Variants in STK32B observed in about 807,000 individuals in gnomAD.
STK32B encodes the protein serine/threonine kinase 32B, also known as serine/threonine-protein kinase 32B.
In STK32B, 43 loss-of-function variants were observed where a neutral mutation model predicts 52.6. The ratio of observed to expected loss-of-function variants is 0.82; its 90% CI spans 0.64 to 1.05. STK32B has a LOEUF of 1.05. Among genes scored for constraint, STK32B ranks in the 50% least tolerant of loss-of-function variants. STK32B has a pLI of 0.00. For missense variants in STK32B, 621 were observed against 534.6 expected (o/e 1.16, Z -1.59); for synonymous variants, 238 against 204.3 (o/e 1.17, Z -1.41).
chr4:5,092,422 C>T (rs1330039436), intron 1 of STK32B, among the ~76,000 whole-genome samples: 2 of 151,996 alleles, frequency 1.3e-5, no homozygotes, highest in East Asian at 3.9e-4. Flanking sequence ...GTCCCAGCTA[C>T]TCGGGAGGCT....
chr4:5,485,884 G>A (rs996480052), intron 11 of STK32B, among the ~76,000 whole-genome samples: 15 of 152,172 alleles, frequency 9.9e-5, no homozygotes, highest in African/African-American at 1.2e-4. Flanking sequence ...TATCAGCAGC[G>A]AAGGCTGCAG....
In STK32B at chr4:5,317,488, A is replaced by G. The variant is rs540719749; in HGVS notation, c.261-13732A>G. 1.2e-4 allele frequency among the ~76,000 whole-genome samples: 13 copies of G among 106,132 alleles called. 2 individuals carry two copies. Among genetic ancestry groups the G allele is most frequent in the African/African-American group, 4.4e-4 (9 of 20,374 alleles). 69.6% of individuals were successfully genotyped at this position (106,132 alleles called of 152,430 possible). ...TATGTATAATATATATATTACATAT[A>G]TATAATATATATTATATATGTATAA... On this transcript the variant is annotated intron_variant, in intron 3 of 11. Coordinates refer to ENST00000282908, the MANE Select transcript of STK32B (RefSeq NM_018401.3).
At chr4:5,451,547 A>G (rs77095386) in intron 7 of STK32B, among the ~76,000 whole-genome samples, 220 of 152,250 alleles carry the variant, frequency 1.4e-3, no homozygotes, top group African/African-American at 4.6e-3. Flanking sequence ...TAGACTCTCA[A>G]TGGTCTTCAG....
chr4:5,137,417 G>A (rs553088675), intron 1 of STK32B, among the ~76,000 whole-genome samples: 7 of 152,234 alleles, frequency 4.6e-5, no homozygotes, highest in Non-Finnish European at 8.8e-5. Context: ...TTCATCACTC[G>A]GATAACTTGC....
intron 1 of STK32B, among the ~76,000 whole-genome samples, chr4:5,059,927 G>A (rs943016014): frequency 2.6e-5 from 4 of 152,120 alleles, no homozygotes; most frequent in African/African-American, 9.7e-5. Flanking sequence ...AAAGAATTAG[G>A]AAGTATACCA....
At chr4:5,168,803 T>C (rs1039793294) in intron 3 of STK32B, among the ~76,000 whole-genome samples, 3 of 152,192 alleles carry the variant, frequency 2.0e-5, no homozygotes, top group African/African-American at 7.2e-5. Flanking sequence ...ATACAGCTGA[T>C]GGCAGGAAGG....
chr4:5,249,130 G>T (rs1036204034), intron 3 of STK32B, among the ~76,000 whole-genome samples: 1 of 152,116 alleles, frequency 6.6e-6, no homozygotes, highest in African/African-American at 2.4e-5. Flanking sequence ...TACTTTTGCA[G>T]TGTGCTAACA....
At chr4:5,474,799 G>A (rs754635322) in intron 11 of STK32B, among the ~76,000 whole-genome samples, 10 of 152,008 alleles carry the variant, frequency 6.6e-5, no homozygotes, top group Admixed American at 3.9e-4. Flanking sequence ...TTTTATTCCC[G>A]TTTCACAGTC....
At chr4:5,107,337 C>T (rs1037508168) in intron 1 of STK32B, among the ~76,000 whole-genome samples, 1 of 152,042 alleles carries the variant, frequency 6.6e-6, no homozygotes, top group African/African-American at 2.4e-5. Flanking sequence ...TTATATATTA[C>T]AGTGTAATAA....
intron 4 of STK32B, among the ~76,000 whole-genome samples, chr4:5,379,122 T>C (rs1308670223): frequency 1.3e-5 from 2 of 152,082 alleles, no homozygotes; most frequent in African/African-American, 4.8e-5. Context: ...TCAGTGATAA[T>C]GATGAGGTTG....
At chr4:5,172,943 A>AT (rs1350189939) in intron 3 of STK32B, among the ~76,000 whole-genome samples, 1 of 151,984 alleles carries the variant, frequency 6.6e-6, no homozygotes, top group Non-Finnish European at 1.5e-5. Flanking sequence ...TGGTCCTGGA[A>AT]TTTTTTTAGT....
intron 9 of STK32B, among the ~76,000 whole-genome samples, chr4:5,463,520 CCA>C (rs764964779): frequency 3.4e-4 from 51 of 152,012 alleles, no homozygotes; most frequent in Non-Finnish European, 5.7e-4. Context: ...ACTCATTCCC[CCA>C]CACACATATG....
intron 6 of STK32B, among the ~76,000 whole-genome samples, chr4:5,427,404 C>T (rs769399967): frequency 2.9e-4 from 44 of 151,998 alleles, no homozygotes; most frequent in African/African-American, 7.5e-4. Context: ...ATGCTGGCAA[C>T]GTAGTTGAGA....
At chr4:5,110,524 A>G (rs141370099) in intron 1 of STK32B, among the ~76,000 whole-genome samples, 1 of 151,780 alleles carries the variant, frequency 6.6e-6, no homozygotes, top group Non-Finnish European at 1.5e-5. Context: ...ATCCTATTCA[A>G]TAAATGGTGC....
chr4:5,080,640 C>T (rs1712360898), intron 1 of STK32B, among the ~76,000 whole-genome samples: 1 of 151,866 alleles, frequency 6.6e-6, no homozygotes, highest in Admixed American at 6.6e-5. Context: ...GATATTTTTT[C>T]CAACTTTATT....
intron 1 of STK32B, among the ~76,000 whole-genome samples, chr4:5,138,135 C>A (rs919913860): frequency 3.9e-5 from 6 of 152,138 alleles, no homozygotes; most frequent in African/African-American, 1.4e-4. Flanking sequence ...TCTTTCTTGG[C>A]AAGTTATCCT....
chr4:5,057,606 A>G (rs1742056608), intron 1 of STK32B, among the ~76,000 whole-genome samples: 1 of 152,126 alleles, frequency 6.6e-6, no homozygotes, highest in African/African-American at 2.4e-5. Flanking sequence ...GCTGAAGTGA[A>G]TAGGTGTTAG....
intron 3 of STK32B, among the ~76,000 whole-genome samples, chr4:5,206,703 A>G (rs1722597458): frequency 1.3e-5 from 2 of 152,002 alleles, no homozygotes; most frequent in Non-Finnish European, 2.9e-5. Flanking sequence ...ATTTCCATAA[A>G]CCCAGATCTG....
At chr4:5,243,639 G>T (rs1295831002) in intron 3 of STK32B, among the ~76,000 whole-genome samples, 1 of 152,134 alleles carries the variant, frequency 6.6e-6, no homozygotes, top group Non-Finnish European at 1.5e-5. Flanking sequence ...GTGAGAGAGG[G>T]TATCCCTGTC....
Sources: allele counts gnomAD v4.1 joint callset (sites outside exome capture counted in the v4.1 genomes callset), GRCh38; gene constraint gnomAD v4.1.1; transcripts MANE v1.5; gene names NCBI Gene and HGNC (gene_info 2026-07-23, HGNC 2026-07-21).